The following L2HGDH variants were observed in gnomAD, a reference collection of about 807,000 sequenced individuals.
L2HGDH encodes L-2-hydroxyglutarate dehydrogenase, mitochondrial.
A neutral mutation model predicts 51.5 loss-of-function variants in L2HGDH; 34 were observed. The observed-to-expected ratio is 0.66, with a 90% confidence interval of 0.50 to 0.88. The LOEUF is 0.88. Ranked by LOEUF, L2HGDH falls within the 40% of genes least tolerant of loss-of-function variation. L2HGDH has a pLI of 0.00. For synonymous variants in L2HGDH, 198 were observed against 197.9 expected (o/e 1.00, Z -0.01); for missense variants, 558 against 571.9 (o/e 0.98, Z 0.25).
Position 50,272,778 on chromosome 14 carries a change from G to A in L2HGDH, c.739-3448C>T, listed in dbSNP as rs1328080489. Among the ~76,000 whole-genome samples, 4 of 152,166 alleles carry A rather than the reference G, an allele frequency of 2.6e-5. No homozygotes were observed. In the South Asian group the frequency reaches 8.3e-4, roughly 32 times the overall value. The stretch of plus-strand genomic sequence containing the variant: ...GCACACGTAAGTTGAAGAGGCAAGT[G>A]GTTCAAATTCCCATGGCCCCTACTC... On this transcript the variant is annotated intron_variant, in intron 6 of 9. Transcript: ENST00000267436.
intron 9 of L2HGDH, among the ~76,000 whole-genome samples, chr14:50,254,723 A>G (rs1215543503): frequency 6.6e-6 from 1 of 152,076 alleles, no homozygotes; most frequent in Non-Finnish European, 1.5e-5. Flanking sequence ...AAAACCCTAC[A>G]ATCCAAATTT....
chr14:50,302,814 C>T lies in L2HGDH; in HGVS notation c.256+88G>A. 11 of 904,108 alleles carry T rather than the reference C, an allele frequency of 1.2e-5. No individual in the cohort carries two copies. In the Middle Eastern group the frequency reaches 2.0e-3, roughly 161 times the overall value. 56.0% of individuals were successfully genotyped at this position (904,108 alleles called of 1,614,324 possible). Reference sequence around the variant, plus strand: ...TTTAGAACACAAACTAAGAAACTAACACTGACATTCAGCATGAAAGATTCA... The same window carrying T: ...TTTAGAACACAAACTAAGAAACTAATACTGACATTCAGCATGAAAGATTCA... On this transcript the variant is annotated intron_variant, in intron 2 of 9. Transcript: ENST00000267436.
At chr14:50,289,539 AGATTT>A (rs892372317) in intron 4 of L2HGDH, among the ~76,000 whole-genome samples, 2 of 152,220 alleles carry the variant, frequency 1.3e-5, no homozygotes, top group African/African-American at 2.4e-5. Flanking sequence ...CCTCATTCAT[AGATTT>A]AGAAAGAGCA....
In L2HGDH at chr14:50,245,328, GCT is replaced by G; in HGVS notation, c.*1728_*1729del. On this transcript the variant is annotated 3_prime_UTR_variant, in exon 10 of 10. Coordinates refer to ENST00000267436, the MANE Select transcript of L2HGDH (RefSeq NM_024884.3). Reference sequence around the variant, plus strand: ...ACATCAGTGTCAGGATTCTAAAACTGCTCTCATAAAAATCTGTCTCTTCTAAG... The same window carrying G: ...ACATCAGTGTCAGGATTCTAAAACTGCTCATAAAAATCTGTCTCTTCTAAG... The G allele has an allele frequency of 1.0e-6, 1 of 985,204 alleles. No individual in the cohort carries two copies. The highest frequency in any genetic ancestry group is 1.2e-6 in the Non-Finnish European group (1 of 829,810). The allele number at this position is 985,204 out of a possible 1,614,324, so 61.0% of individuals were successfully genotyped here. A position where few individuals can be genotyped will look rare whatever the true frequency, so the allele number is the denominator to read the frequency against.
chr14:50,310,293 C>T (rs1229501627), intron 1 of L2HGDH, among the ~76,000 whole-genome samples: 2 of 152,002 alleles, frequency 1.3e-5, no homozygotes, highest in African/African-American at 4.8e-5. Flanking sequence ...TGGTCTCAAA[C>T]TTCTGGGCTC....
chr14:50,254,408 G>C (rs1888538803), intron 9 of L2HGDH, among the ~76,000 whole-genome samples: 2 of 152,030 alleles, frequency 1.3e-5, no homozygotes. Flanking sequence ...ACTGAAAGCT[G>C]AAACTTCTTG....
chr14:50,295,754 T>G (rs924961040), intron 3 of L2HGDH, among the ~76,000 whole-genome samples: 2 of 149,856 alleles, frequency 1.3e-5, no homozygotes, highest in African/African-American at 4.9e-5. Flanking sequence ...TCTTTTTTTT[T>G]TTTTTTTTAA....
intron 9 of L2HGDH, among the ~76,000 whole-genome samples, chr14:50,254,067 G>A (rs1039511757): frequency 2.6e-5 from 4 of 151,992 alleles, no homozygotes; most frequent in Admixed American, 6.6e-5. Flanking sequence ...GGTGGGGATG[G>A]TTAATGGATA....
chr14:50,255,494 C>A (rs1459393090), intron 9 of L2HGDH, among the ~76,000 whole-genome samples: 2 of 146,044 alleles, frequency 1.4e-5, no homozygotes, highest in Non-Finnish European at 3.0e-5. Flanking sequence ...CAAGATTGAG[C>A]CATTGCACTC....
In L2HGDH at chr14:50,245,607, G is replaced by C. The variant is rs530515651; in HGVS notation, c.*1451C>G. On this transcript the variant is annotated 3_prime_UTR_variant, in exon 10 of 10. Transcript: ENST00000267436. ...TTAATTTCCAAATACAAATATTGTT[G>C]CTCTAAATAATGTGAGTTTTGTGAC... 1.1e-4 allele frequency: 108 copies of C among 969,282 alleles called. No homozygotes were observed. Among genetic ancestry groups the C allele is most frequent in the Non-Finnish European group, 1.3e-4 (106 of 815,494 alleles). The allele number at this position is 969,282 out of a possible 1,614,324, so 60.0% of individuals were successfully genotyped here.
intron 4 of L2HGDH, among the ~76,000 whole-genome samples, chr14:50,289,101 C>A (rs1890725081): frequency 6.6e-6 from 1 of 152,060 alleles, no homozygotes; most frequent in Non-Finnish European, 1.5e-5. Context: ...TTCTCTGCTC[C>A]CACATATATA....
chr14:50,260,910 C>T (rs1888978614), intron 9 of L2HGDH, among the ~76,000 whole-genome samples: 1 of 151,944 alleles, frequency 6.6e-6, no homozygotes, highest in Non-Finnish European at 1.5e-5. Flanking sequence ...GAGGTCAGGA[C>T]TTTGAGACCA....
intron 2 of L2HGDH, 151 bp from the exon 3 acceptor site, chr14:50,302,319 C>G (rs1470550318): frequency 1.3e-6 from 1 of 784,662 alleles, no homozygotes; most frequent in Non-Finnish European, 2.2e-6. Flanking sequence ...CTTCTTCTAA[C>G]ATCCCTGGTA....
chr14:50,293,137 A>T (rs2029869382), intron 4 of L2HGDH: 2 of 670,248 alleles, frequency 3.0e-6, no homozygotes, highest in Non-Finnish European at 5.4e-6. Context: ...TTATAATTAA[A>T]CATTATGGTA....
At chr14:50,247,963 T>A (rs898759204) in intron 9 of L2HGDH, among the ~76,000 whole-genome samples, 18 of 151,992 alleles carry the variant, frequency 1.2e-4, no homozygotes, top group African/African-American at 4.1e-4. Context: ...CCTGGCTAAT[T>A]AAAGAAAATT....
At position 50,246,304 on chromosome 14, in the gene L2HGDH, G is replaced by C. The variant is rs886114919; in HGVS notation, c.*754C>G. 2.6e-5 allele frequency: 4 copies of C among 151,718 alleles called. No homozygotes were observed. The highest frequency in any genetic ancestry group is 7.3e-5 in the African/African-American group (3 of 41,210). The allele number at this position is 151,718 out of a possible 1,614,324, so 9.4% of individuals were successfully genotyped here. A position where few individuals can be genotyped will look rare whatever the true frequency, so the allele number is the denominator to read the frequency against. On this transcript the variant is annotated 3_prime_UTR_variant, in exon 10 of 10. Transcript: ENST00000267436. ...CATGAACACAGCTCACTGTAGCCTT[G>C]ATCTCCCGGGCTCAAGCGATCCTCC... is the stretch of plus-strand genomic sequence containing the variant.
intron 1 of L2HGDH, among the ~76,000 whole-genome samples, chr14:50,310,936 CTTTTTTTTTTT>C (rs34399906): frequency 1.2e-5 from 1 of 82,242 alleles, no homozygotes; most frequent in East Asian, 4.2e-4. Context: ...CTTTTCTTTT[CTTTTTTTTTTT>C]TTTTTTTTTT....
chr14:50,303,089 T>G (rs1357009091), intron 1 of L2HGDH, 72 bp from the exon 2 acceptor site: 10 of 915,848 alleles, frequency 1.1e-5, no homozygotes, highest in Non-Finnish European at 1.5e-5. Context: ...ATGCATAATT[T>G]TCATCAATGG....
chr14:50,255,199 T>C (rs760215685), intron 9 of L2HGDH, among the ~76,000 whole-genome samples: 31 of 152,072 alleles, frequency 2.0e-4, no homozygotes, highest in Admixed American at 5.3e-4. Flanking sequence ...GGATTACATA[T>C]GCTTTCCCCT....
Sources: gnomAD v4.1 joint callset for allele counts (sites outside exome capture counted in the v4.1 genomes callset) on GRCh38, gnomAD v4.1.1 for gene constraint, MANE v1.5 for transcripts, NCBI Gene and HGNC (gene_info 2026-07-23, HGNC 2026-07-21) for gene names.